Variants in PTPN3 observed in about 807,000 individuals in gnomAD.
The protein encoded by PTPN3 is protein tyrosine phosphatase non-receptor type 3, also known as tyrosine-protein phosphatase non-receptor type 3.
Under a neutral mutation model 132.7 loss-of-function variants are expected in PTPN3, and 96 were observed. The observed-to-expected ratio is 0.72, with a 90% confidence interval of 0.61 to 0.86. PTPN3 has a LOEUF of 0.86. Among genes scored for constraint, PTPN3 ranks in the 40% least tolerant of loss-of-function variants. The probability of loss-of-function intolerance (pLI) is 0.00; values close to 1 mark genes in which losing one functional copy is unlikely to be tolerated. For missense variants in PTPN3, 1,125 were observed against 1,159.6 expected (o/e 0.97, Z 0.43); for synonymous variants, 398 against 429.0 (o/e 0.93, Z 0.89).
At chr9:109,474,485 G>C (rs957240690) in intron 1 of PTPN3, among the ~76,000 whole-genome samples, 1 of 152,108 alleles carries the variant, frequency 6.6e-6, no homozygotes, top group Non-Finnish European at 1.5e-5. Flanking sequence ...ACACAAGGAG[G>C]GCTCTGGATC....
At chr9:109,463,050 G>A (rs541228910) in intron 2 of PTPN3, among the ~76,000 whole-genome samples, 54 of 151,014 alleles carry the variant, frequency 3.6e-4, no homozygotes, top group African/African-American at 1.3e-3. Flanking sequence ...GGACTTCCCA[G>A]AAGCACCAAC....
At chr9:109,424,174 T>C (rs1329581691) in intron 12 of PTPN3, among the ~76,000 whole-genome samples, 1 of 152,194 alleles carries the variant, frequency 6.6e-6, no homozygotes, top group African/African-American at 2.4e-5. Flanking sequence ...CATTGTCCCA[T>C]AAGCTTGGAA....
intron 7 of PTPN3, among the ~76,000 whole-genome samples, chr9:109,444,371 T>C (rs1844705799): frequency 6.6e-6 from 1 of 152,160 alleles, no homozygotes; most frequent in Non-Finnish European, 1.5e-5. Flanking sequence ...CTCGATAAAG[T>C]TTTGCTGATT....
At chr9:109,483,419 G>A (rs1847057232) in intron 1 of PTPN3, among the ~76,000 whole-genome samples, 1 of 152,150 alleles carries the variant, frequency 6.6e-6, no homozygotes, top group African/African-American at 2.4e-5. Context: ...TGAGGCAGGT[G>A]CTGGGGTACA....
chr9:109,506,530 C>CCCTCCCTCCTTTCCTCCCTT, the PTPN3 span, among the ~76,000 whole-genome samples: 969 of 150,364 alleles, frequency 6.4e-3, 18 homozygotes, highest in African/African-American at 0.022. Context: ...CTTCCTTCCT[C>CCCTCCCTCCTTTCCTCCCTT]CCTCCCTCCT....
At chr9:109,483,346 A>AG (rs1847052919) in intron 1 of PTPN3, among the ~76,000 whole-genome samples, 1 of 152,172 alleles carries the variant, frequency 6.6e-6, no homozygotes, top group Admixed American at 6.5e-5. Flanking sequence ...CTCCCTTTTG[A>AG]TCACAGGCTT....
rs1173905364 is a variant in PTPN3, at chr9:109,404,530, G to A, written c.1871C>T (p.Pro624Leu). Residue 624 changes from proline (P) to leucine (L), a missense_variant, in exon 19 of 26, where the codon CCG (proline) becomes CTG (leucine). Pro to Leu is a moderately conservative substitution (Grantham distance 98). Coordinates refer to ENST00000374541, the MANE Select transcript of PTPN3 (RefSeq NM_002829.4). ...LFPEAIFPMCPEGGDTLEGSM... is the reference protein window; with the variant it reads ...LFPEAIFPMCLEGGDTLEGSM... ...TCCCTCCAAAGTGTCCCCACCCTCC[G>A]GACACATGGGGAAAATGGCTTCGGG... 38 of 1,569,402 alleles carry A rather than the reference G, an allele frequency of 2.4e-5. No homozygotes were observed. The highest frequency in any genetic ancestry group is 1.2e-4 in the Admixed American group (7 of 57,816).
chr9:109,464,408 G>A (rs1226062434), intron 1 of PTPN3, among the ~76,000 whole-genome samples: 1 of 152,208 alleles, frequency 6.6e-6, no homozygotes, highest in Non-Finnish European at 1.5e-5. Context: ...ACGTGAGGGT[G>A]AAGTGTGGGA....
At chr9:109,431,597 GCTAT>G (rs1209493303) in intron 10 of PTPN3, among the ~76,000 whole-genome samples, 1 of 152,216 alleles carries the variant, frequency 6.6e-6, no homozygotes, top group African/African-American at 2.4e-5. Flanking sequence ...AGAAGATCCT[GCTAT>G]CTGTTACACT....
intron 1 of PTPN3, among the ~76,000 whole-genome samples, chr9:109,466,669 C>T (rs1411745549): frequency 6.6e-6 from 1 of 152,180 alleles, no homozygotes; most frequent in Non-Finnish European, 1.5e-5. Context: ...GATGACCAAG[C>T]TGCTGCTGCC....
At chr9:109,516,230 G>A in the PTPN3 span, among the ~76,000 whole-genome samples, 9 of 152,156 alleles carry the variant, frequency 5.9e-5, no homozygotes, top group Admixed American at 3.3e-4. Flanking sequence ...CAGACACCGG[G>A]ATACAAAGGC....
chr9:109,380,226 T>TATCTATC (rs1838935831), intron 25 of PTPN3, among the ~76,000 whole-genome samples: 1 of 147,256 alleles, frequency 6.8e-6, no homozygotes, highest in Non-Finnish European at 1.5e-5. Context: ...TCTATCTATC[T>TATCTATC]ATCTATCTAT....
At chr9:109,525,045 C>T in the PTPN3 span, among the ~76,000 whole-genome samples, 2 of 151,210 alleles carry the variant, frequency 1.3e-5, no homozygotes, top group African/African-American at 4.9e-5. Flanking sequence ...CTTGCCTGGC[C>T]AGTTTATTTT....
At chr9:109,521,646 T>G in the PTPN3 span, among the ~76,000 whole-genome samples, 1 of 152,206 alleles carries the variant, frequency 6.6e-6, no homozygotes, top group Non-Finnish European at 1.5e-5. Context: ...TCTATTTGCT[T>G]CCTCACATCC....
At chr9:109,475,670 T>C (rs1197219318) in intron 1 of PTPN3, among the ~76,000 whole-genome samples, 1 of 152,172 alleles carries the variant, frequency 6.6e-6, no homozygotes, top group African/African-American at 2.4e-5. Flanking sequence ...CCCATTTGGG[T>C]GTCAGTCCAC....
chr9:109,404,417 G>A, intron 19 of PTPN3, 31 bp downstream of exon 19: 2 of 1,354,434 alleles, frequency 1.5e-6, no homozygotes, highest in Non-Finnish European at 1.9e-6. Flanking sequence ...AGGCGACATG[G>A]CAGTGGGATT....
intron 13 of PTPN3, among the ~76,000 whole-genome samples, chr9:109,421,221 C>T (rs1056714017): frequency 4.6e-5 from 7 of 152,188 alleles, no homozygotes; most frequent in South Asian, 2.1e-4. Flanking sequence ...CTCTGGGCCT[C>T]GGCTGTACTT....
At chr9:109,401,746 G>C (rs1214838752) in intron 19 of PTPN3, among the ~76,000 whole-genome samples, 1 of 152,040 alleles carries the variant, frequency 6.6e-6, no homozygotes, top group African/African-American at 2.4e-5. Context: ...ACCCAGGTAG[G>C]CCTGTCTCTT....
intron 1 of PTPN3, among the ~76,000 whole-genome samples, chr9:109,480,919 G>GATGGATGC (rs1240856453): frequency 2.0e-5 from 3 of 152,170 alleles, no homozygotes; most frequent in African/African-American, 7.2e-5. Context: ...TGGATGGATG[G>GATGGATGC]ATGGATGCAT....
Sources: allele counts gnomAD v4.1 joint callset (sites outside exome capture counted in the v4.1 genomes callset), GRCh38; gene constraint gnomAD v4.1.1; transcripts MANE v1.5; gene names NCBI Gene and HGNC (gene_info 2026-07-23, HGNC 2026-07-21).